ACER3: variants seen among roughly 807,000 people sequenced by gnomAD.
The protein encoded by ACER3 is alkaline ceramidase 3, also known as alkCDase 3.
ACER3 carries 16 observed loss-of-function variants against 48.9 expected under a neutral mutation model. The observed-to-expected ratio is 0.33, with a 90% confidence interval of 0.22 to 0.50. The LOEUF (loss-of-function observed/expected upper bound fraction) is 0.50, where lower values mean the gene tolerates loss of function less well. Among genes scored for constraint, ACER3 ranks in the 20% least tolerant of loss-of-function variants. The pLI is 0.98. For missense variants in ACER3, 227 were observed against 326.0 expected (o/e 0.70, Z 2.34); for synonymous variants, 109 against 107.8 (o/e 1.01, Z -0.07).
chr11:77,013,719 TCTC>T (rs1479208994), intron 7 of ACER3, among the ~76,000 whole-genome samples: 6 of 152,166 alleles, frequency 3.9e-5, no homozygotes, highest in East Asian at 1.9e-4. Context: ...CAGCCATTCT[TCTC>T]CTAGCTATTT....
At chr11:76,883,369 G>C (rs979256440) in intron 1 of ACER3, among the ~76,000 whole-genome samples, 4 of 151,686 alleles carry the variant, frequency 2.6e-5, no homozygotes, top group Non-Finnish European at 4.4e-5. Flanking sequence ...ACTTGTAATA[G>C]GTGATCTAAA....
At chr11:76,984,524 C>T (rs1948647643) in intron 4 of ACER3, among the ~76,000 whole-genome samples, 1 of 152,176 alleles carries the variant, frequency 6.6e-6, no homozygotes, top group Non-Finnish European at 1.5e-5. Flanking sequence ...AACACTCTTG[C>T]TGCCTATACC....
At chr11:76,997,109 T>C (rs1166709332) in intron 6 of ACER3, among the ~76,000 whole-genome samples, 2 of 152,242 alleles carry the variant, frequency 1.3e-5, no homozygotes. Context: ...CCATTTTTCC[T>C]ATTCTATATT....
intron 1 of ACER3, among the ~76,000 whole-genome samples, chr11:76,878,987 T>C (rs1445533224): frequency 1.3e-5 from 2 of 152,106 alleles, no homozygotes; most frequent in Non-Finnish European, 2.9e-5. Context: ...TCTTTTCAAA[T>C]CTTTTGCCCA....
intron 1 of ACER3, among the ~76,000 whole-genome samples, chr11:76,861,783 C>A (rs968157960): frequency 1.3e-5 from 2 of 152,270 alleles, no homozygotes; most frequent in Admixed American, 6.5e-5. Context: ...GCACAGAGGA[C>A]CAAGTCCCTG....
intron 3 of ACER3, among the ~76,000 whole-genome samples, chr11:76,971,714 G>A (rs747873559): frequency 6.6e-6 from 1 of 152,250 alleles, no homozygotes; most frequent in East Asian, 1.9e-4. Context: ...AGCAAAACAG[G>A]TTATGGTAGC....
At chr11:76,930,062 A>G (rs1946952099) in intron 2 of ACER3, among the ~76,000 whole-genome samples, 1 of 151,148 alleles carries the variant, frequency 6.6e-6, no homozygotes, top group South Asian at 2.1e-4. Flanking sequence ...TCCTCCTTGT[A>G]CCTCTGGTAG....
intron 1 of ACER3, among the ~76,000 whole-genome samples, chr11:76,909,582 G>T (rs1373414187): frequency 1.3e-5 from 2 of 152,102 alleles, no homozygotes; most frequent in Non-Finnish European, 2.9e-5. Flanking sequence ...ACCATCTCAC[G>T]CCAGTTAGAA....
chr11:76,924,534 G>A (rs34748937), intron 1 of ACER3, among the ~76,000 whole-genome samples: 281 of 151,534 alleles, frequency 1.9e-3, no homozygotes, highest in Non-Finnish European at 3.4e-3. Context: ...TATTAATTTG[G>A]CTTCAGATTT....
In ACER3 at chr11:76,934,237, T is replaced by C. The variant is rs994610694; in HGVS notation, c.214+7570T>C. On this transcript the variant is annotated intron_variant, in intron 2 of 10. Coordinates refer to ENST00000532485, the MANE Select transcript of ACER3 (RefSeq NM_018367.7). ...CCAGGCAGAGGGGCTCCTCACGTCC[T>C]AGACGATGGGCAGCCAGGCAGAGAC... Among the ~76,000 whole-genome samples the C allele has an allele frequency of 2.2e-3, 334 of 149,864 alleles. 1 individual carries two copies. Among genetic ancestry groups the C allele is most frequent in the African/African-American group, 7.8e-3 (317 of 40,648 alleles).
intron 1 of ACER3, among the ~76,000 whole-genome samples, chr11:76,862,628 T>A (rs1590846291): frequency 6.6e-6 from 1 of 152,280 alleles, no homozygotes; most frequent in East Asian, 1.9e-4. Context: ...AAATATTGGA[T>A]GGGCTATCAT....
chr11:76,961,999 A>G (rs1304979441), intron 3 of ACER3, among the ~76,000 whole-genome samples: 2 of 150,448 alleles, frequency 1.3e-5, no homozygotes, highest in Non-Finnish European at 2.9e-5. Flanking sequence ...ATATGTGTTA[A>G]TGGAAAAACT....
chr11:76,982,855 T>C (rs1006154071), intron 4 of ACER3, among the ~76,000 whole-genome samples: 1 of 152,196 alleles, frequency 6.6e-6, no homozygotes, highest in Non-Finnish European at 1.5e-5. Flanking sequence ...CATGTTTTCC[T>C]TACCAGTATC....
chr11:76,962,741 C>T (rs1948029701), intron 3 of ACER3, among the ~76,000 whole-genome samples: 1 of 151,308 alleles, frequency 6.6e-6, no homozygotes, highest in Non-Finnish European at 1.5e-5. Flanking sequence ...CAAGGGAGTG[C>T]AGGTGTACTT....
intron 1 of ACER3, among the ~76,000 whole-genome samples, chr11:76,902,402 G>A (rs1280837404): frequency 2.0e-5 from 3 of 152,134 alleles, no homozygotes; most frequent in Non-Finnish European, 4.4e-5. Flanking sequence ...AGATAAAAAG[G>A]TATTTCACAA....
rs756362938 is a variant in ACER3 at position 76,872,905 on chromosome 11, C to CTTTTTTTTTTTTTTTTT, written c.103+11831_103+11832insTTTTTTTTTTTTTTTTT. Among the ~76,000 whole-genome samples, 23 of 94,576 alleles carry CTTTTTTTTTTTTTTTTT rather than the reference C, an allele frequency of 2.4e-4. 3 individuals are homozygous for CTTTTTTTTTTTTTTTTT. Among genetic ancestry groups the CTTTTTTTTTTTTTTTTT allele is most frequent in the African/African-American group, 4.6e-4 (11 of 23,704 alleles). 62.0% of individuals were successfully genotyped at this position (94,576 alleles called of 152,430 possible). On this transcript the variant is annotated intron_variant, in intron 1 of 10. Transcript: ENST00000532485. ...TCTTTTCTTTCTTTCTTTCTTTTTT[C>CTTTTTTTTTTTTTTTTT]TTTTTCTTTTTTTTTTTTTTTTTTG...
At chr11:76,926,526 C>A (rs1465634410) in intron 1 of ACER3, 31 bp from the exon 2 acceptor site, 1 of 1,367,514 alleles carries the variant, frequency 7.3e-7, no homozygotes, top group Non-Finnish European at 1.0e-6. Flanking sequence ...ATTGATTAAC[C>A]TAAATGTCTT....
intron 1 of ACER3, among the ~76,000 whole-genome samples, chr11:76,912,348 G>A (rs1291913039): frequency 2.0e-5 from 3 of 152,086 alleles, no homozygotes; most frequent in Non-Finnish European, 2.9e-5. Flanking sequence ...TTGAACTGTG[G>A]ACATCCTGAA....
chr11:76,910,555 T>C (rs942560382), intron 1 of ACER3, among the ~76,000 whole-genome samples: 1 of 152,140 alleles, frequency 6.6e-6, no homozygotes, highest in Non-Finnish European at 1.5e-5. Flanking sequence ...ATGCCTAATC[T>C]ACAGAGGAGA....
Sources: gnomAD v4.1 joint callset for allele counts (sites outside exome capture counted in the v4.1 genomes callset) on GRCh38, gnomAD v4.1.1 for gene constraint, MANE v1.5 for transcripts, NCBI Gene and HGNC (gene_info 2026-07-23, HGNC 2026-07-21) for gene names.